ANP32A: variants seen among roughly 807,000 people sequenced by gnomAD.
ANP32A encodes the protein acidic leucine-rich nuclear phosphoprotein 32 family member A.
Under a neutral mutation model 33.9 loss-of-function variants are expected in ANP32A, and 1 was observed. The ratio of observed to expected loss-of-function variants is 0.03; its 90% CI spans 0.01 to 0.14. The LOEUF (loss-of-function observed/expected upper bound fraction) is 0.14. Ranked by LOEUF, ANP32A falls within the 10% of genes least tolerant of loss-of-function variation. The probability of loss-of-function intolerance (pLI) is 1.00; values close to 1 mark genes in which losing one functional copy is unlikely to be tolerated. For synonymous variants in ANP32A, 115 were observed against 120.5 expected, an observed-to-expected ratio of 0.95 and a Z score of 0.30; for missense variants, 155 against 306.0, an observed-to-expected ratio of 0.51 and a Z score of 3.68.
chr15:68,803,269 C>G (rs1168711071), intron 1 of ANP32A, among the ~76,000 whole-genome samples: 2 of 152,170 alleles, frequency 1.3e-5, no homozygotes, highest in Admixed American at 6.5e-5. Context: ...AAGTACCTAG[C>G]AAGCAAGGAC....
chr15:68,798,266 G>C (rs1894088350), intron 1 of ANP32A, among the ~76,000 whole-genome samples: 1 of 152,286 alleles, frequency 6.6e-6, no homozygotes, highest in Middle Eastern at 3.4e-3. Context: ...CATTTCTCCA[G>C]TGTTACTATT....
At chr15:68,813,939 T>A (rs1894346111) in intron 1 of ANP32A, among the ~76,000 whole-genome samples, 2 of 144,394 alleles carry the variant, frequency 1.4e-5, no homozygotes, top group Non-Finnish European at 3.0e-5. Flanking sequence ...GCACGATCTC[T>A]GCTCACTGCA....
At chr15:68,792,563 G>A (rs1301341160) in intron 1 of ANP32A, among the ~76,000 whole-genome samples, 1 of 152,182 alleles carries the variant, frequency 6.6e-6, no homozygotes, top group Non-Finnish European at 1.5e-5. Context: ...ATTACTCTAA[G>A]GAACAATTTG....
At chr15:68,805,881 C>T (rs560718993) in intron 1 of ANP32A, among the ~76,000 whole-genome samples, 12 of 152,266 alleles carry the variant, frequency 7.9e-5, no homozygotes, top group South Asian at 6.2e-4. Context: ...TCTCCCCCAG[C>T]GGAACAGAAG....
chr15:68,787,627 A>T (rs1291433613), intron 2 of ANP32A, 92 bp from the exon 3 acceptor site: 1 of 1,601,308 alleles, frequency 6.2e-7, no homozygotes, highest in Non-Finnish European at 8.5e-7. Context: ...ACGGGCAAGA[A>T]GGGAAAGCAG....
intron 1 of ANP32A, among the ~76,000 whole-genome samples, chr15:68,788,808 C>A (rs1893965281): frequency 6.6e-6 from 1 of 152,168 alleles, no homozygotes; most frequent in African/African-American, 2.4e-5. Context: ...CTTGGAGGCA[C>A]CTCTGTGGCC....
chr15:68,793,662 T>G (rs762975257), intron 1 of ANP32A, among the ~76,000 whole-genome samples: 4 of 152,102 alleles, frequency 2.6e-5, no homozygotes, highest in Non-Finnish European at 5.9e-5. Flanking sequence ...AGAACAGGCA[T>G]GCTAAAGGCA....
At chr15:68,817,388 C>T (rs1487004382) in intron 1 of ANP32A, 2 of 152,438 alleles carry the variant, frequency 1.3e-5, no homozygotes, top group African/African-American at 4.8e-5. Flanking sequence ...GACCTACCTT[C>T]CCGGAGAGCC....
At position 68,788,708 on chromosome 15, in the gene ANP32A, C is replaced by T. The variant is rs150519759; in HGVS notation, c.55-789G>A. ...GCACAGCTCTAGACTTTGCTCTTCACGGTCCAGCATAGACGTGGAAGGAGA... is the reference window on the plus strand; with the variant it reads ...GCACAGCTCTAGACTTTGCTCTTCATGGTCCAGCATAGACGTGGAAGGAGA... On this transcript the variant is annotated intron_variant, in intron 1 of 6. Coordinates refer to ENST00000465139, the MANE Select transcript of ANP32A (RefSeq NM_006305.4). 8.7e-4 allele frequency among the ~76,000 whole-genome samples: 132 copies of T among 152,314 alleles called. 1 individual carries two copies. Among genetic ancestry groups the T allele is most frequent in the African/African-American group, 2.9e-3 (119 of 41,572 alleles).
At position 68,784,506 on chromosome 15, in the gene ANP32A, G is replaced by C. The variant is rs750331335; in HGVS notation, c.417C>G (p.Leu139=). 1 of 1,614,136 alleles carries C rather than the reference G, an allele frequency of 6.2e-7. No individual in the cohort carries two copies. The highest frequency in any genetic ancestry group is 8.5e-7 in the Non-Finnish European group (1 of 1,180,030). ...NDYRENVFKL[L]PQLTYLDGYD... ...AGCCGTCGAGATATGTGAGTTGCGG[G>C]AGGAGCTTGAACACATTTTCTCGGT... Residue 139 remains leucine, a synonymous_variant, in exon 4 of 7, where the codon CTC becomes CTG. Transcript: ENST00000465139.
chr15:68,784,287 GC>G, intron 4 of ANP32A, 109 bp downstream of exon 4: 1 of 1,271,032 alleles, frequency 7.9e-7, no homozygotes, highest in Non-Finnish European at 1.1e-6. Flanking sequence ...GCCTTCAGTA[GC>G]TGGGTGGGGG....
At chr15:68,805,399 C>G (rs1399947959) in intron 1 of ANP32A, among the ~76,000 whole-genome samples, 1 of 152,222 alleles carries the variant, frequency 6.6e-6, no homozygotes, top group East Asian at 1.9e-4. Flanking sequence ...CTACCCCCTC[C>G]CCACACCCAG....
At chr15:68,792,180 T>TGG (rs1567035586) in intron 1 of ANP32A, 1 of 151,084 alleles carries the variant, frequency 6.6e-6, no homozygotes, top group Non-Finnish European at 1.5e-5. Context: ...TGGGTGTGAG[T>TGG]GAAGCGCAAA....
chr15:68,815,515 A>C (rs1053099655), intron 1 of ANP32A, among the ~76,000 whole-genome samples: 2 of 152,192 alleles, frequency 1.3e-5, no homozygotes, highest in Non-Finnish European at 2.9e-5. Context: ...ATACCATCAA[A>C]TTGACTGCAA....
chr15:68,782,693 G>T (rs910736923), intron 5 of ANP32A: 4 of 508,996 alleles, frequency 7.9e-6, no homozygotes, highest in Admixed American at 3.5e-5. Context: ...TAGAAACAAC[G>T]GCCAGGCTTA....
chr15:68,783,740 C>A (rs1466663870), intron 4 of ANP32A, among the ~76,000 whole-genome samples: 1 of 152,118 alleles, frequency 6.6e-6, no homozygotes, highest in African/African-American at 2.4e-5. Flanking sequence ...TCCTTCCTTC[C>A]TGTAGGCCTC....
At chr15:68,805,119 G>T (rs1397409193) in intron 1 of ANP32A, among the ~76,000 whole-genome samples, 1 of 152,182 alleles carries the variant, frequency 6.6e-6, no homozygotes, top group African/African-American at 2.4e-5. Context: ...TCTGGTCAGA[G>T]GCATCAGTAG....
intron 1 of ANP32A, among the ~76,000 whole-genome samples, chr15:68,814,446 A>C (rs2140374941): frequency 6.6e-6 from 1 of 151,954 alleles, no homozygotes; most frequent in East Asian, 1.9e-4. Flanking sequence ...TCATACTGCT[A>C]TGGGGAAAGA....
At chr15:68,798,926 G>A (rs1249357352) in intron 1 of ANP32A, among the ~76,000 whole-genome samples, 1 of 152,186 alleles carries the variant, frequency 6.6e-6, no homozygotes, top group Admixed American at 6.5e-5. Flanking sequence ...ACCACCAATG[G>A]GAAATCGCTG....
Sources: gnomAD v4.1 joint callset for allele counts (sites outside exome capture counted in the v4.1 genomes callset) on GRCh38, gnomAD v4.1.1 for gene constraint, MANE v1.5 for transcripts, NCBI Gene and HGNC (gene_info 2026-07-23, HGNC 2026-07-21) for gene names.